The following DNAJA4 variants were observed in gnomAD, a reference collection of about 807,000 sequenced individuals.
DNAJA4 encodes DnaJ heat shock protein family (Hsp40) member A4, also known as dnaJ homolog subfamily A member 4.
DNAJA4 carries 32 observed loss-of-function variants against 39.7 expected under a neutral mutation model. That is an observed-to-expected ratio of 0.81 (90% confidence interval 0.61 to 1.08). The LOEUF (loss-of-function observed/expected upper bound fraction) is 1.08, where lower values mean the gene tolerates loss of function less well. DNAJA4 is among the 50% of genes least tolerant of loss of function. The pLI, the probability that DNAJA4 is intolerant of heterozygous loss-of-function variation, is 0.00. For synonymous variants in DNAJA4, 184 were observed against 182.4 expected (o/e 1.01, Z -0.07); for missense variants, 439 against 505.1 (o/e 0.87, Z 1.25).
chr15:78,280,576 C>G lies in DNAJA4; in HGVS notation c.*116C>G, dbSNP rs2141474697. 2.3e-6 allele frequency: 2 copies of G among 860,932 alleles called. No homozygotes were observed. The highest frequency in any genetic ancestry group is 1.9e-5 in the South Asian group (1 of 52,598). The allele number at this position is 860,932 out of a possible 1,614,324, so 53.3% of individuals were successfully genotyped here. A position where few individuals can be genotyped will look rare whatever the true frequency, so the allele number is the denominator to read the frequency against. On this transcript the variant is annotated 3_prime_UTR_variant, in exon 7 of 7. Transcript: ENST00000394852. ...GTTTGGGATGTCCTGTGTATGTGTT[C>G]AGCATTCTTAATTGCTGAGTGTCTT...
At chr15:78,274,117 A>G in intron 3 of DNAJA4, 80 bp from the exon 4 acceptor site, 1 of 1,396,282 alleles carries the variant, frequency 7.2e-7, no homozygotes, top group East Asian at 2.4e-5. Context: ...AGGGTTCCCT[A>G]CCCTTCTGCC....
intron 2 of DNAJA4, among the ~76,000 whole-genome samples, 157 bp from the exon 3 acceptor site, chr15:78,272,938 G>A (rs939493894): frequency 6.6e-6 from 1 of 152,188 alleles, no homozygotes; most frequent in Admixed American, 6.5e-5. Context: ...ATGGGCTGGG[G>A]TAATAGAAGC....
At position 78,279,267 on chromosome 15, in the gene DNAJA4, C is replaced by T. The variant is rs916573993; in HGVS notation, c.878-778C>T. 1.4e-5 allele frequency: 2 copies of T among 139,046 alleles called. No homozygotes were observed. Among genetic ancestry groups the T allele is most frequent in the Non-Finnish European group, 3.2e-5 (2 of 62,038 alleles). 8.6% of individuals were successfully genotyped at this position (139,046 alleles called of 1,614,324 possible). A position where few individuals can be genotyped will look rare whatever the true frequency, so the allele number is the denominator to read the frequency against. On this transcript the variant is annotated intron_variant, in intron 5 of 6. Coordinates refer to ENST00000394852, the MANE Select transcript of DNAJA4 (RefSeq NM_001130182.2). The surrounding 1 kb of genome is among the most constrained non-coding windows in gnomAD (Gnocchi z 4.5). ...CCTCCACCGTCTCCCCCATTTTTTC[C>T]GAACATTTCTTTCTGTCTTTGTCCA...
intron 1 of DNAJA4, chr15:78,266,202 G>A (rs372756252): frequency 3.1e-6 from 5 of 1,612,846 alleles, no homozygotes; most frequent in Middle Eastern, 1.6e-4. Context: ...AGGAGAGCTT[G>A]TAGGCTTCTA....
At chr15:78,274,114 C>T in intron 3 of DNAJA4, 83 bp from the exon 4 acceptor site, 11 of 1,374,642 alleles carry the variant, frequency 8.0e-6, no homozygotes, top group Non-Finnish European at 1.1e-5. Context: ...GTGAGGGTTC[C>T]CTACCCTTCT....
intron 5 of DNAJA4, among the ~76,000 whole-genome samples, chr15:78,276,362 A>G (rs913262724): frequency 1.3e-5 from 2 of 152,196 alleles, no homozygotes; most frequent in Admixed American, 6.5e-5. Flanking sequence ...GCACACACCC[A>G]TGGGAGCCAG....
chr15:78,265,644 T>C, intron 1 of DNAJA4: 1 of 702,392 alleles, frequency 1.4e-6, no homozygotes, highest in South Asian at 1.5e-5. Context: ...GAAAGTTTGC[T>C]TTTTATCTCT....
intron 5 of DNAJA4, chr15:78,277,845 T>C (rs2049515478): frequency 5.7e-6 from 2 of 349,712 alleles, no homozygotes; most frequent in South Asian, 2.2e-5. Flanking sequence ...TCCATTTCCT[T>C]CTTTATTATA....
chr15:78,273,306 G>A lies in DNAJA4; in HGVS notation c.418+107G>A, dbSNP rs74624440. On this transcript the variant is annotated intron_variant, in intron 3 of 6. Coordinates refer to ENST00000394852, the MANE Select transcript of DNAJA4 (RefSeq NM_001130182.2). ...ATAAGTTATCTTTTTTCAAATGCAAGGGTCAAGCAGAGATTACAAACAGGT... is the reference window on the plus strand; with the variant it reads ...ATAAGTTATCTTTTTTCAAATGCAAAGGTCAAGCAGAGATTACAAACAGGT... 2.7e-3 allele frequency: 1,949 copies of A among 733,530 alleles called. 27 individuals are homozygous for A. In the African/African-American group the frequency reaches 0.031, roughly 12 times the overall value. 45.4% of individuals were successfully genotyped at this position (733,530 alleles called of 1,614,324 possible).
chr15:78,278,576 A>G (rs62007840), intron 5 of DNAJA4, among the ~76,000 whole-genome samples: 74,900 of 152,168 alleles, frequency 0.49, 18,654 homozygotes, highest in African/African-American at 0.57. Flanking sequence ...GGAAAGGTGC[A>G]GTAAAAGTTT....
chr15:78,282,005 C>T lies in DNAJA4; in HGVS notation c.*1545C>T, dbSNP rs145499064. The T allele has an allele frequency of 2.6e-5, 4 of 152,330 alleles. No homozygotes were observed. In the East Asian group the frequency reaches 7.7e-4, roughly 29 times the overall value. 9.4% of individuals were successfully genotyped at this position (152,330 alleles called of 1,614,324 possible). On this transcript the variant is annotated 3_prime_UTR_variant, in exon 7 of 7. Coordinates refer to ENST00000394852, the MANE Select transcript of DNAJA4 (RefSeq NM_001130182.2). Reference sequence around the variant, plus strand: ...AAATCTATTTATAAATGGACCACAACTCTGGGGTGTCGTTTTTGTGCTGTG... The same window carrying T: ...AAATCTATTTATAAATGGACCACAATTCTGGGGTGTCGTTTTTGTGCTGTG...
chr15:78,270,929 G>GT (rs1278555408), intron 2 of DNAJA4, among the ~76,000 whole-genome samples: 1 of 152,094 alleles, frequency 6.6e-6, no homozygotes, highest in African/African-American at 2.4e-5. Flanking sequence ...GCCAGGCATG[G>GT]TGACTCATGC....
At position 78,274,376 on chromosome 15, in the gene DNAJA4, G is replaced by T. The variant is rs553434947; in HGVS notation, c.598G>T (p.Ala200Ser). 2 of 1,614,218 alleles carry T rather than the reference G, an allele frequency of 1.2e-6. No homozygotes were observed. Among genetic ancestry groups the T allele is most frequent in the African/African-American group, 1.3e-5 (1 of 75,046 alleles). ...GGACCGCTGCGAGAGCTGCAGCGGG[G>T]CCAAGGTGATCCGTGAGAAGAAGAT... ...PKDRCESCSG[A>S]KVIREKKIIE... The change falls in exon 4 of 7, where the codon GCC becomes TCC. Residue 200 changes from alanine to serine, a missense_variant. Ala to Ser is a moderately conservative substitution (Grantham distance 99). Transcript: ENST00000394852.
intron 2 of DNAJA4, among the ~76,000 whole-genome samples, chr15:78,272,045 G>T (rs78376747): frequency 6.6e-6 from 1 of 152,116 alleles, no homozygotes; most frequent in African/African-American, 2.4e-5. Context: ...TGAGCATATC[G>T]CCTGCTCCTA....
chr15:78,278,659 C>CT (rs201451635), intron 5 of DNAJA4, among the ~76,000 whole-genome samples: 7,581 of 148,988 alleles, frequency 0.051, 220 homozygotes, highest in Middle Eastern at 0.11. Flanking sequence ...GACTGTATTT[C>CT]TTTTTTTTTT....
At chr15:78,264,514 C>T, upstream of DNAJA4, 2 of 1,236,532 alleles carry the variant, frequency 1.6e-6, no homozygotes, top group Non-Finnish European at 2.0e-6. Context: ...CTTGCGGAAG[C>T]TTCCGCCGGC....
chr15:78,267,973 G>A (rs1238530919), intron 1 of DNAJA4, among the ~76,000 whole-genome samples: 2 of 152,274 alleles, frequency 1.3e-5, no homozygotes, highest in South Asian at 2.1e-4. Flanking sequence ...AAGGGGGTCC[G>A]GGCCGGGAGC....
chr15:78,278,253 A>G (rs1433185343), intron 5 of DNAJA4: 2 of 455,976 alleles, frequency 4.4e-6, no homozygotes, highest in Non-Finnish European at 8.8e-6. Context: ...CCAGCAAGCT[A>G]GAAGCAGAAG....
chr15:78,271,288 C>T lies in DNAJA4; in HGVS notation c.313+611C>T, dbSNP rs746358595. 9.9e-4 allele frequency among the ~76,000 whole-genome samples: 151 copies of T among 152,234 alleles called. 1 individual carries two copies. Among genetic ancestry groups the T allele is most frequent in the Non-Finnish European group, 1.3e-3 (90 of 68,020 alleles). On this transcript the variant is annotated intron_variant, in intron 2 of 6. Transcript: ENST00000394852. Reference sequence around the variant, plus strand: ...TTTCCTCTGTTGTTGGGGTCAGGCACCAGAGTGTGCTGAGGGATGTAGATG... The same window carrying T: ...TTTCCTCTGTTGTTGGGGTCAGGCATCAGAGTGTGCTGAGGGATGTAGATG...
Sources: allele counts gnomAD v4.1 joint callset (sites outside exome capture counted in the v4.1 genomes callset), GRCh38; gene constraint gnomAD v4.1.1; non-coding constraint Gnocchi (gnomAD v3.1); transcripts MANE v1.5; gene names NCBI Gene and HGNC (gene_info 2026-07-23, HGNC 2026-07-21).